Variants in MMD2 observed in about 807,000 individuals in gnomAD.
The protein encoded by MMD2 is monocyte to macrophage differentiation factor 2.
MMD2 carries 30 observed loss-of-function variants against 33.5 expected under a neutral mutation model. That is an observed-to-expected ratio of 0.90 (90% CI 0.67 to 1.22). The LOEUF is 1.22. Among genes scored for constraint, MMD2 ranks in the 50% most tolerant of loss-of-function variants. MMD2 has a pLI of 0.00. For synonymous variants in MMD2, 129 were observed against 123.0 expected (o/e 1.05, Z -0.32); for missense variants, 364 against 325.4 (o/e 1.12, Z -0.91).
chr7:4,900,932 G>C, the MMD2 span, among the ~76,000 whole-genome samples: 1 of 152,036 alleles, frequency 6.6e-6, no homozygotes, highest in African/African-American at 2.4e-5. Context: ...CTGAGGTCAG[G>C]AGTTCAAGAC....
chr7:4,947,666 T>A, intron 1 of MMD2, among the ~76,000 whole-genome samples: 1 of 147,668 alleles, frequency 6.8e-6, no homozygotes, highest in East Asian at 2.0e-4. Flanking sequence ...GTGTTGTGAT[T>A]ACAGGTGTGA....
chr7:4,907,970 G>A (rs11983127), intron 6 of MMD2, among the ~76,000 whole-genome samples: 9,338 of 151,588 alleles, frequency 0.062, 551 homozygotes, highest in Admixed American at 0.19. Flanking sequence ...ACCATGCCTG[G>A]CTAATTTTAT....
At chr7:4,937,644 G>A (rs1785779205) in intron 1 of MMD2, among the ~76,000 whole-genome samples, 1 of 152,078 alleles carries the variant, frequency 6.6e-6, no homozygotes, top group Non-Finnish European at 1.5e-5. Flanking sequence ...AAGTAACTGG[G>A]ACTGCAGGCA....
rs1405631152 is a variant in MMD2 at position 4,907,456 on chromosome 7, G to A, written c.681C>T (p.Tyr227=). 3.7e-6 allele frequency: 6 copies of A among 1,613,912 alleles called. No homozygotes were observed. Among genetic ancestry groups the A allele is most frequent in the East Asian group, 4.5e-5 (2 of 44,888 alleles). The change falls in exon 7 of 7, where the codon TAC becomes TAT. Residue 227 remains tyrosine, a synonymous_variant. Coordinates refer to ENST00000401401, the MANE Select transcript of MMD2 (RefSeq NM_198403.4). ...GATAGAGGTACCTCCAGATGGCATAGTAGTGGGTACCAGCACCAAATGCTA... is the reference window on the plus strand; with the variant it reads ...GATAGAGGTACCTCCAGATGGCATAATAGTGGGTACCAGCACCAAATGCTA... ...LFVAFGAGTH[Y]YAIWRYLYLP...
Position 4,907,449 on chromosome 7 carries a change from T to A in MMD2, c.688A>T (p.Ile230Phe). Residue 230 changes from isoleucine (I) to phenylalanine (F), a missense_variant, in exon 7 of 7, where the codon ATC (isoleucine) becomes TTC (phenylalanine). Coordinates refer to ENST00000401401, the MANE Select transcript of MMD2 (RefSeq NM_198403.4). ...CTGGGCAGATAGAGGTACCTCCAGA[T>A]GGCATAGTAGTGGGTACCAGCACCA... ...AFGAGTHYYA[I>F]WRYLYLPSTL... 2 of 1,613,958 alleles carry A rather than the reference T, an allele frequency of 1.2e-6. No individual in the cohort carries two copies. The highest frequency in any genetic ancestry group is 1.7e-6 in the Non-Finnish European group (2 of 1,179,886).
chr7:4,942,525 C>G (rs549577955), intron 1 of MMD2, among the ~76,000 whole-genome samples: 1 of 152,232 alleles, frequency 6.6e-6, no homozygotes, highest in East Asian at 1.9e-4. Flanking sequence ...GCCTCAGCCT[C>G]TCAAAGTGCT....
At position 4,946,091 on chromosome 7, in the gene MMD2, A is replaced by ATG. The variant is rs1786071200; in HGVS notation, c.47+12879_47+12880insCA. On this transcript the variant is annotated intron_variant, in intron 1 of 6. Coordinates refer to ENST00000401401, the MANE Select transcript of MMD2 (RefSeq NM_198403.4). This position sits in a 1 kb window ranked among gnomAD's most constrained non-coding sequence, Gnocchi z 5.0. ...CACTCACACGCACGCACACGCACGC[A>ATG]CACACACGCATGCACACGCGCACAC... is the stretch of plus-strand genomic sequence containing the variant. Among the ~76,000 whole-genome samples, 1 of 151,424 alleles carries ATG rather than the reference A, an allele frequency of 6.6e-6. No homozygotes were observed. Among genetic ancestry groups the ATG allele is most frequent in the Admixed American group, 6.6e-5 (1 of 15,150 alleles).
intron 1 of MMD2, among the ~76,000 whole-genome samples, chr7:4,953,087 G>C (rs540593480): frequency 6.6e-6 from 1 of 151,802 alleles, no homozygotes; most frequent in Non-Finnish European, 1.5e-5. Context: ...TAATCCACCG[G>C]GATTACAGGC....
chr7:4,918,972 G>A (rs1562480009), intron 3 of MMD2, among the ~76,000 whole-genome samples: 1 of 151,800 alleles, frequency 6.6e-6, no homozygotes, highest in African/African-American at 2.4e-5. Context: ...GGTGGTGCAT[G>A]CCTGTAGTCC....
At chr7:4,937,990 T>TTTTCTTTC (rs1562490236) in intron 1 of MMD2, among the ~76,000 whole-genome samples, 1 of 139,388 alleles carries the variant, frequency 7.2e-6, no homozygotes, top group East Asian at 2.2e-4. Context: ...TTTTTTCTTT[T>TTTTCTTTC]TTTCTTTCTT....
intron 1 of MMD2, among the ~76,000 whole-genome samples, chr7:4,956,445 T>G (rs1786383520): frequency 6.6e-6 from 1 of 151,958 alleles, no homozygotes; most frequent in African/African-American, 2.4e-5. Flanking sequence ...AAAAATCACT[T>G]AATCAAGAAG....
intron 1 of MMD2, among the ~76,000 whole-genome samples, chr7:4,944,760 C>CTT (rs142716643): frequency 0.02 from 1,517 of 75,248 alleles, 18 homozygotes; most frequent in Non-Finnish European, 0.022. Context: ...TCTTCTTCTT[C>CTT]TTTTTTTTTT....
At chr7:4,922,719 C>T (rs1785319348) in intron 2 of MMD2, among the ~76,000 whole-genome samples, 1 of 152,072 alleles carries the variant, frequency 6.6e-6, no homozygotes, top group Non-Finnish European at 1.5e-5. Flanking sequence ...GGACCACAGA[C>T]ACATGCCACT....
rs963644615 is a variant in MMD2 at position 4,926,194 on chromosome 7, C to T, written c.48-662G>A. 2.6e-5 allele frequency among the ~76,000 whole-genome samples: 4 copies of T among 151,752 alleles called. No individual in the cohort carries two copies. In the East Asian group the frequency reaches 5.8e-4, roughly 22 times the overall value. Reference sequence around the variant, plus strand: ...CTCACTGCTGCCTCCACCTCCTGGGCTCAAGTGATCCTCCCGCCTCAGCCT... The same window carrying T: ...CTCACTGCTGCCTCCACCTCCTGGGTTCAAGTGATCCTCCCGCCTCAGCCT... On this transcript the variant is annotated intron_variant, in intron 1 of 6. Transcript: ENST00000401401.
chr7:4,915,537 C>A (rs534761899), intron 4 of MMD2, among the ~76,000 whole-genome samples: 2 of 151,682 alleles, frequency 1.3e-5, no homozygotes, highest in Non-Finnish European at 2.9e-5. Flanking sequence ...GTTAGGAGTT[C>A]GAGAGCAGCC....
chr7:4,959,160 G>GGAGCCC lies in MMD2; in HGVS notation c.-149_-144dup, dbSNP rs1252780231. The GGAGCCC allele has an allele frequency of 5.8e-3, 3,369 of 585,806 alleles. 42 individuals are homozygous for GGAGCCC. Among genetic ancestry groups the GGAGCCC allele is most frequent in the African/African-American group, 0.027 (1,353 of 50,260 alleles). The allele number at this position is 585,806 out of a possible 1,614,324, so 36.3% of individuals were successfully genotyped here. Reference sequence around the variant, plus strand: ...CTGGTCGGCGCCCGGAGCCGGAGCCGGAGCCCGAGCCGGAGCTGGAGGCGC... The same window carrying GGAGCCC: ...CTGGTCGGCGCCCGGAGCCGGAGCCGGAGCCCGAGCCCGAGCCGGAGCTGGAGGCGC... On this transcript the variant is annotated 5_prime_UTR_variant, in exon 1 of 7. Coordinates refer to ENST00000401401, the MANE Select transcript of MMD2 (RefSeq NM_198403.4).
At chr7:4,917,753 A>G (rs1785178149) in intron 3 of MMD2, among the ~76,000 whole-genome samples, 1 of 152,114 alleles carries the variant, frequency 6.6e-6, no homozygotes, top group Admixed American at 6.6e-5. Flanking sequence ...AACCATTTTT[A>G]TGATGACCTC....
chr7:4,908,103 C>G (rs1417189359), intron 6 of MMD2, among the ~76,000 whole-genome samples: 1 of 151,886 alleles, frequency 6.6e-6, no homozygotes, highest in African/African-American at 2.4e-5. Context: ...AGCCACCACA[C>G]TCGGCCTCAA....
intron 2 of MMD2, among the ~76,000 whole-genome samples, chr7:4,921,208 A>T (rs1420589664): frequency 2.0e-5 from 3 of 152,086 alleles, no homozygotes; most frequent in Non-Finnish European, 2.9e-5. Flanking sequence ...GATGTGCCAC[A>T]TGTGACCCAT....
Sources: allele counts gnomAD v4.1 joint callset (sites outside exome capture counted in the v4.1 genomes callset), GRCh38; gene constraint gnomAD v4.1.1; non-coding constraint Gnocchi (gnomAD v3.1); transcripts MANE v1.5; gene names NCBI Gene and HGNC (gene_info 2026-07-23, HGNC 2026-07-21).